The following ACTR1A variants were observed in gnomAD, a reference collection of about 807,000 sequenced individuals.
The protein encoded by ACTR1A is alpha-centractin.
Under a neutral mutation model 50.7 loss-of-function variants are expected in ACTR1A, and 10 were observed. That is an observed-to-expected ratio of 0.20 (90% CI 0.12 to 0.33). The LOEUF (loss-of-function observed/expected upper bound fraction) is 0.33, where lower values mean the gene tolerates loss of function less well. ACTR1A is among the 10% of genes least tolerant of loss of function. The pLI is 1.00. For synonymous variants in ACTR1A, 177 were observed against 184.2 expected (o/e 0.96, Z 0.32); for missense variants, 253 against 491.7 (o/e 0.51, Z 4.59).
chr10:102,489,643 ATC>A (rs1273386984), intron 2 of ACTR1A, among the ~76,000 whole-genome samples: 1 of 152,100 alleles, frequency 6.6e-6, no homozygotes, highest in African/African-American at 2.4e-5. Flanking sequence ...GTGAAACCCC[ATC>A]TCTACTAAAA....
At chr10:102,495,291 C>G (rs2062214689) in intron 1 of ACTR1A, among the ~76,000 whole-genome samples, 1 of 151,920 alleles carries the variant, frequency 6.6e-6, no homozygotes, top group African/African-American at 2.4e-5. Flanking sequence ...AAAATAAGGC[C>G]AGGCGCAGTA....
chr10:102,495,600 C>T (rs1019174118), intron 1 of ACTR1A, among the ~76,000 whole-genome samples: 42 of 149,766 alleles, frequency 2.8e-4, no homozygotes, highest in South Asian at 1.5e-3. Flanking sequence ...TGTGGTGGCA[C>T]GTGCCTATAG....
intron 5 of ACTR1A, among the ~76,000 whole-genome samples, chr10:102,484,812 G>A (rs1384816863): frequency 6.6e-6 from 1 of 152,222 alleles, no homozygotes; most frequent in Non-Finnish European, 1.5e-5. Context: ...TGGTTTGAGA[G>A]CCCGGGGACC....
Position 102,484,367 on chromosome 10 carries a change from T to G in ACTR1A, c.450A>C (p.Thr150=), listed in dbSNP as rs1440967861. Residue 150 remains threonine (T), a synonymous_variant, in exon 6 of 11, where the codon ACA becomes ACC. Transcript: ENST00000369905. ...SMQAVLSLYA[T]GRTTGVVLDS... ...CCAGCACCACCCCTGTGGTCCTGCC[T>G]GTAGCGTAACTGAAGCAAAGGGGCA... 3 of 1,613,842 alleles carry G rather than the reference T, an allele frequency of 1.9e-6. No homozygotes were observed. The highest frequency in any genetic ancestry group is 2.7e-5 in the African/African-American group (2 of 74,906).
chr10:102,482,052 G>A lies in ACTR1A; in HGVS notation c.874C>T (p.Arg292Cys), dbSNP rs778045034. Residue 292 changes from arginine (R) to cysteine (C), a missense_variant, in exon 8 of 11, where the codon CGC (arginine) becomes TGC (cysteine). This residue lies in a region of ACTR1A where 116 missense variants were observed against 155.9 expected (regional missense o/e 0.74). Transcript: ENST00000369905. The surrounding 1 kb of genome is among the most constrained non-coding windows in gnomAD (Gnocchi z 5.6). ...AIQKSDMDLR[R>C]TLFSNIVLSG... is the part of the protein sequence containing the mutation. ...AGGACAATGTTAGAGAAAAGCGTGC[G>A]CCGCAGGTCCATGTCTGACTTCTGA... 5.6e-6 allele frequency: 9 copies of A among 1,614,054 alleles called. No homozygotes were observed. The Admixed American group carries it at 1.2e-4, about 21-fold the overall frequency.
chr10:102,486,753 T>C (rs927319024), intron 4 of ACTR1A, among the ~76,000 whole-genome samples: 1 of 150,944 alleles, frequency 6.6e-6, no homozygotes, highest in Non-Finnish European at 1.5e-5. Context: ...TGGAAATTGA[T>C]ACACCTAGTC....
At chr10:102,481,958 G>C in intron 8 of ACTR1A, 43 bp downstream of exon 8, 1 of 1,613,826 alleles carries the variant, frequency 6.2e-7, no homozygotes, top group Non-Finnish European at 8.5e-7. Context: ...GCCAGCAGGA[G>C]CTGAACACTT....
intron 8 of ACTR1A, 31 bp downstream of exon 8, chr10:102,481,970 C>A: frequency 6.2e-7 from 1 of 1,614,004 alleles, no homozygotes; most frequent in Non-Finnish European, 8.5e-7. Context: ...TGAACACTTC[C>A]AGGGGAAGGG....
At chr10:102,490,688 A>AT in intron 1 of ACTR1A, 75 bp from the exon 2 acceptor site, 1 of 1,141,650 alleles carries the variant, frequency 8.8e-7, no homozygotes, top group South Asian at 1.3e-5. Context: ...ATATGGTACC[A>AT]TTTTTATTTA....
intron 4 of ACTR1A, among the ~76,000 whole-genome samples, chr10:102,487,853 G>A (rs994912183): frequency 6.6e-6 from 1 of 151,914 alleles, no homozygotes; most frequent in Admixed American, 6.6e-5. Context: ...GGATGGTCTC[G>A]ATCTCCTGAC....
At chr10:102,489,031 CT>C in intron 3 of ACTR1A, 31 bp downstream of exon 3, 1 of 1,492,330 alleles carries the variant, frequency 6.7e-7, no homozygotes, top group Admixed American at 2.1e-5. Context: ...CCTCTGCTGG[CT>C]TAAGGCTTGT....
At chr10:102,497,274 G>A (rs965171425) in intron 1 of ACTR1A, among the ~76,000 whole-genome samples, 8 of 151,996 alleles carry the variant, frequency 5.3e-5, no homozygotes, top group Admixed American at 4.6e-4. Context: ...CTAGGTGAAC[G>A]TATGGATGTT....
In ACTR1A at chr10:102,482,404, A is replaced by G. The variant is rs2062148223; in HGVS notation, c.751-229T>C. The G allele has an allele frequency of 3.5e-6, 2 of 577,254 alleles. No homozygotes were observed. The highest frequency in any genetic ancestry group is 1.9e-5 in the African/African-American group (1 of 53,458). 35.8% of individuals were successfully genotyped at this position (577,254 alleles called of 1,614,324 possible). ...TTCTCGCTCTGGCATTTTCCAGCCA[A>G]GAGGTCTTTGGCATCAGTACATGGA... On this transcript the variant is annotated intron_variant, in intron 7 of 10. Transcript: ENST00000369905. This position sits in a 1 kb window ranked among gnomAD's most constrained non-coding sequence, Gnocchi z 5.6.
chr10:102,483,087 G>A lies in ACTR1A; in HGVS notation c.674C>T (p.Ser225Phe). 1 of 1,614,084 alleles carries A rather than the reference G, an allele frequency of 6.2e-7. No homozygotes were observed. Among genetic ancestry groups the A allele is most frequent in the Non-Finnish European group, 8.5e-7 (1 of 1,179,914 alleles). ...KAIKERACYL[S>F]INPQKDETLE... Reference sequence around the variant, plus strand: ...CGTCTCATCCTTTTGGGGGTTTATGGATAGGTAACAGGCTCTCTGCAGATC... The same window carrying A: ...CGTCTCATCCTTTTGGGGGTTTATGAATAGGTAACAGGCTCTCTGCAGATC... Residue 225 changes from serine to phenylalanine, a missense_variant, in exon 7 of 11, where the codon TCC (serine) becomes TTC (phenylalanine). By Grantham distance (155) the Ser-to-Phe change is radical. Coordinates refer to ENST00000369905, the MANE Select transcript of ACTR1A (RefSeq NM_005736.4).
At position 102,498,722 on chromosome 10, in the gene ACTR1A, C is replaced by T. The variant is rs555733256; in HGVS notation, c.48+3878G>A. ...TCCTGGGCTCAAACGATCTTCCAGCCTTGGCTTTCCAAAATGCTGGAATTA... is the reference window on the plus strand; with the variant it reads ...TCCTGGGCTCAAACGATCTTCCAGCTTTGGCTTTCCAAAATGCTGGAATTA... On this transcript the variant is annotated intron_variant, in intron 1 of 10. Coordinates refer to ENST00000369905, the MANE Select transcript of ACTR1A (RefSeq NM_005736.4). Among the ~76,000 whole-genome samples, 17 of 152,022 alleles carry T rather than the reference C, an allele frequency of 1.1e-4. No individual in the cohort carries two copies. The South Asian group carries it at 3.3e-3, about 30-fold the overall frequency.
intron 1 of ACTR1A, among the ~76,000 whole-genome samples, chr10:102,500,750 C>T (rs2062246573): frequency 6.6e-6 from 1 of 151,450 alleles, no homozygotes; most frequent in African/African-American, 2.4e-5. Flanking sequence ...AAGCGAGATC[C>T]TGTTCCCTCC....
Position 102,485,635 on chromosome 10 carries a change from GA to G in ACTR1A, c.413del (p.Phe138SerfsTer80). 6.2e-7 allele frequency: 1 copy of G among 1,613,960 alleles called. No homozygotes were observed. Among genetic ancestry groups the G allele is most frequent in the Non-Finnish European group, 8.5e-7 (1 of 1,179,988 alleles). ...GGCTGAGTACAGCTTGCATGGAGAT[GA>G]AAAGAGCGGGCACATTGAAGGTCTC... Reference protein sequence around the residue: ...FFETFNVPALFISMQAVLSLY... With the variant: ...FFETFNVPALXISMQAVLSLY... On this transcript the variant is annotated frameshift_variant, in exon 5 of 11. Coordinates refer to ENST00000369905, the MANE Select transcript of ACTR1A (RefSeq NM_005736.4). LOFTEE classifies it high-confidence loss of function.
rs2135577870 is a variant in ACTR1A, at chr10:102,479,982, G to A, written c.*881C>T. The A allele has an allele frequency of 4.3e-6, 1 of 234,908 alleles. No individual in the cohort carries two copies. Among genetic ancestry groups the A allele is most frequent in the Middle Eastern group, 1.7e-3 (1 of 574 alleles). The allele number at this position is 234,908 out of a possible 1,614,324, so 14.6% of individuals were successfully genotyped here. ...GTCAGCTCACCATCAGCTGGGAGAG[G>A]TGGGGCCCTGGAGGCTAAGCTTAGG... is the stretch of plus-strand genomic sequence containing the variant. On this transcript the variant is annotated 3_prime_UTR_variant, in exon 11 of 11. Transcript: ENST00000369905. The surrounding 1 kb of genome is among the most constrained non-coding windows in gnomAD (Gnocchi z 4.0).
chr10:102,486,642 G>A lies in ACTR1A; in HGVS notation c.316-909C>T, dbSNP rs868143768. ...TGGGAGGCAGAGGTTGCGGTGAGCC[G>A]AGATTGCGCCATTGCACTCTAGCCT... On this transcript the variant is annotated intron_variant, in intron 4 of 10. Transcript: ENST00000369905. 2.0e-4 allele frequency among the ~76,000 whole-genome samples: 30 copies of A among 152,054 alleles called. No homozygotes were observed. The Middle Eastern group carries it at 0.017, about 86-fold the overall frequency.
Sources: allele counts gnomAD v4.1 joint callset (sites outside exome capture counted in the v4.1 genomes callset), GRCh38; gene constraint gnomAD v4.1.1; regional missense constraint gnomAD v4.1.1; non-coding constraint Gnocchi (gnomAD v3.1); transcripts MANE v1.5; gene names NCBI Gene and HGNC (gene_info 2026-07-23, HGNC 2026-07-21).